DLG2: variants seen among roughly 807,000 people sequenced by gnomAD.
DLG2 encodes discs large MAGUK scaffold protein 2.
Under a neutral mutation model 132.5 loss-of-function variants are expected in DLG2, and 45 were observed. The ratio of observed to expected loss-of-function variants is 0.34; its 90% CI spans 0.27 to 0.44. The LOEUF is 0.44. Among genes scored for constraint, DLG2 ranks in the 20% least tolerant of loss-of-function variants. The pLI, the probability that DLG2 is intolerant of heterozygous loss-of-function variation, is 1.00. For missense variants in DLG2, 1,045 were observed against 1,196.9 expected, an observed-to-expected ratio of 0.87 and a Z score of 1.87; for synonymous variants, 424 against 419.6, an observed-to-expected ratio of 1.01 and a Z score of -0.13.
chr11:85,426,598 A>C (rs938973305), intron 3 of DLG2, among the ~76,000 whole-genome samples: 2 of 152,226 alleles, frequency 1.3e-5, no homozygotes, highest in African/African-American at 2.4e-5. Flanking sequence ...AACAAACAGA[A>C]AGGACATCCA....
At chr11:84,258,417 T>C (rs542209964) in intron 7 of DLG2, among the ~76,000 whole-genome samples, 62 of 152,180 alleles carry the variant, frequency 4.1e-4, no homozygotes, top group Middle Eastern at 3.2e-3. Flanking sequence ...CACAATTACA[T>C]AGTATCAAAA....
intron 3 of DLG2, among the ~76,000 whole-genome samples, chr11:85,471,055 T>C (rs2153075660): frequency 6.6e-6 from 1 of 152,338 alleles, no homozygotes; most frequent in Non-Finnish European, 1.5e-5. Context: ...TCTCTCACTC[T>C]GAGGTGGGCA....
At chr11:83,932,987 T>C (rs1041397092) in intron 14 of DLG2, among the ~76,000 whole-genome samples, 3 of 152,140 alleles carry the variant, frequency 2.0e-5, no homozygotes, top group African/African-American at 7.2e-5. Context: ...GTCGCTCCAA[T>C]GGGCACAGTG....
chr11:84,253,390 T>C (rs1412848974), intron 7 of DLG2, among the ~76,000 whole-genome samples: 1 of 152,176 alleles, frequency 6.6e-6, no homozygotes, highest in African/African-American at 2.4e-5. Flanking sequence ...TCCAAAAAGG[T>C]TGAAGATCAA....
intron 17 of DLG2, among the ~76,000 whole-genome samples, chr11:83,793,353 C>T (rs1195556847): frequency 6.6e-6 from 1 of 152,068 alleles, no homozygotes; most frequent in Non-Finnish European, 1.5e-5. Context: ...ATTTTCTCTT[C>T]ACCAATCTAT....
At chr11:85,228,963 TA>T in intron 4 of DLG2, among the ~76,000 whole-genome samples, 1 of 151,614 alleles carries the variant, frequency 6.6e-6, no homozygotes, top group Middle Eastern at 3.4e-3. Flanking sequence ...TTATCTTTTT[TA>T]TTGGCTATTT....
chr11:85,042,371 C>A (rs1369512340), intron 6 of DLG2, among the ~76,000 whole-genome samples: 1 of 151,966 alleles, frequency 6.6e-6, no homozygotes, highest in African/African-American at 2.4e-5. Context: ...AATATTTATT[C>A]AGAATTTACT....
At chr11:84,741,056 CTTTTTTTTT>C (rs1163275954) in intron 6 of DLG2, among the ~76,000 whole-genome samples, 8 of 79,332 alleles carry the variant, frequency 1.0e-4, no homozygotes, top group Admixed American at 3.0e-4. Context: ...TGCCTATGCT[CTTTTTTTTT>C]TTTTTTTTTT....
At chr11:83,625,691 A>G (rs1056217435) in intron 19 of DLG2, among the ~76,000 whole-genome samples, 4 of 152,162 alleles carry the variant, frequency 2.6e-5, no homozygotes, top group Non-Finnish European at 4.4e-5. Flanking sequence ...TTGTCTCACT[A>G]AGAGGTTATG....
intron 4 of DLG2, among the ~76,000 whole-genome samples, chr11:85,252,318 C>T (rs2076436542): frequency 6.6e-6 from 1 of 152,122 alleles, no homozygotes; most frequent in Non-Finnish European, 1.5e-5. Flanking sequence ...AAGAGAGGGA[C>T]AGATTTGTTT....
intron 19 of DLG2, among the ~76,000 whole-genome samples, chr11:83,618,527 C>A (rs757028925): frequency 1.3e-5 from 2 of 152,008 alleles, no homozygotes; most frequent in African/African-American, 2.4e-5. Context: ...TTCTATTATA[C>A]CCATTTTATG....
intron 6 of DLG2, among the ~76,000 whole-genome samples, chr11:84,983,126 C>A (rs995074542): frequency 6.6e-6 from 1 of 152,118 alleles, no homozygotes; most frequent in Non-Finnish European, 1.5e-5. Flanking sequence ...CACGGATGGA[C>A]AGAGCAGTGT....
chr11:84,195,457 C>A (rs2096498212), intron 8 of DLG2, among the ~76,000 whole-genome samples: 2 of 152,188 alleles, frequency 1.3e-5, no homozygotes, highest in South Asian at 2.1e-4. Flanking sequence ...AGCTACCGTG[C>A]CCAGCCTTGC....
At chr11:85,037,991 C>G (rs2061556673) in intron 6 of DLG2, among the ~76,000 whole-genome samples, 1 of 152,088 alleles carries the variant, frequency 6.6e-6, no homozygotes, top group Non-Finnish European at 1.5e-5. Flanking sequence ...CCTCTGAGCT[C>G]TGATTTAAAC....
At chr11:83,530,319 T>C (rs1005468787) in intron 21 of DLG2, among the ~76,000 whole-genome samples, 7 of 152,038 alleles carry the variant, frequency 4.6e-5, no homozygotes, top group African/African-American at 1.7e-4. Flanking sequence ...GGAGGGTAAA[T>C]TATTATGTCA....
chr11:85,281,170 A>C (rs1055193688), intron 4 of DLG2, among the ~76,000 whole-genome samples: 1 of 152,086 alleles, frequency 6.6e-6, no homozygotes, highest in African/African-American at 2.4e-5. Context: ...AAAAAACGGT[A>C]GGTGAAACTT....
At chr11:84,703,418 T>A (rs542966069) in intron 6 of DLG2, among the ~76,000 whole-genome samples, 1 of 151,642 alleles carries the variant, frequency 6.6e-6, no homozygotes, top group South Asian at 2.1e-4. Context: ...ATGAAGATGA[T>A]GATTTCTACC....
At position 83,483,118 on chromosome 11, in the gene DLG2, A is replaced by G. The variant is rs575268959; in HGVS notation, c.2293+1011T>C. The G allele has an allele frequency of 6.9e-5, 49 of 712,712 alleles. 1 individual carries two copies. The South Asian group carries it at 8.6e-4, about 12-fold the overall frequency. 44.1% of individuals were successfully genotyped at this position (712,712 alleles called of 1,614,324 possible). A position where few individuals can be genotyped will look rare whatever the true frequency, so the allele number is the denominator to read the frequency against. ...CGAAAGTTACTTTGTAGGAGCATTC[A>G]CAGCTAGGTAACAAATAAAACTCGT... On this transcript the variant is annotated intron_variant, in intron 22 of 27. Coordinates refer to ENST00000376104, the MANE Select transcript of DLG2 (RefSeq NM_001142699.3).
Position 85,601,448 on chromosome 11 carries a change from C to T in DLG2, c.-92-2660G>A, listed in dbSNP as rs139174347. Among the ~76,000 whole-genome samples the T allele has an allele frequency of 7.7e-3, 1,163 of 151,942 alleles. 14 individuals carry two copies. Among genetic ancestry groups the T allele is most frequent in the African/African-American group, 0.027 (1,131 of 41,412 alleles). Reference sequence around the variant, plus strand: ...CTCCGCCTTCTGGGTTCAAGCAGTTCTCCTGCCTCAGCCTCCTGAGTAGCT... The same window carrying T: ...CTCCGCCTTCTGGGTTCAAGCAGTTTTCCTGCCTCAGCCTCCTGAGTAGCT... On this transcript the variant is annotated intron_variant, in intron 2 of 27. Coordinates refer to ENST00000376104, the MANE Select transcript of DLG2 (RefSeq NM_001142699.3).
Sources: gnomAD v4.1 joint callset for allele counts (sites outside exome capture counted in the v4.1 genomes callset) on GRCh38, gnomAD v4.1.1 for gene constraint, MANE v1.5 for transcripts, NCBI Gene and HGNC (gene_info 2026-07-23, HGNC 2026-07-21) for gene names.